Variants in PLXNA4 observed in about 807,000 individuals in gnomAD.
The protein encoded by PLXNA4 is plexin A4, also known as plexin-A4.
In PLXNA4, 44 loss-of-function variants were observed where a neutral mutation model predicts 191.8. The observed-to-expected ratio is 0.23, with a 90% confidence interval of 0.18 to 0.29. PLXNA4 has a LOEUF of 0.29. PLXNA4 is among the 10% of genes least tolerant of loss of function. PLXNA4 has a pLI of 1.00. For synonymous variants in PLXNA4, 1,082 were observed against 1,009.5 expected, an observed-to-expected ratio of 1.07 and a Z score of -1.36; for missense variants, 1,800 against 2,488.8, an observed-to-expected ratio of 0.72 and a Z score of 5.89.
At chr7:132,338,752 A>G (rs1157200620) in intron 3 of PLXNA4, among the ~76,000 whole-genome samples, 1 of 152,188 alleles carries the variant, frequency 6.6e-6, no homozygotes, top group Non-Finnish European at 1.5e-5. Context: ...GCAGCACTGA[A>G]TAAAAGACAG....
chr7:132,280,930 T>TA (rs1800456471), intron 4 of PLXNA4, among the ~76,000 whole-genome samples: 1 of 151,830 alleles, frequency 6.6e-6, no homozygotes, highest in South Asian at 2.1e-4. Flanking sequence ...TATTTATTTA[T>TA]AAAAAATTTA....
chr7:132,338,652 G>A (rs1802909596), intron 3 of PLXNA4, among the ~76,000 whole-genome samples: 1 of 152,216 alleles, frequency 6.6e-6, no homozygotes, highest in East Asian at 1.9e-4. Context: ...GGAATGTCTT[G>A]TAGAAGAGTC....
chr7:132,498,478 A>G (rs531560133), intron 2 of PLXNA4, among the ~76,000 whole-genome samples: 14 of 152,276 alleles, frequency 9.2e-5, no homozygotes, highest in African/African-American at 3.4e-4. Context: ...ATCTCATAAG[A>G]CTTATTCACT....
intron 3 of PLXNA4, among the ~76,000 whole-genome samples, chr7:132,460,408 A>T (rs946064338): frequency 2.6e-5 from 4 of 152,088 alleles, no homozygotes; most frequent in African/African-American, 9.7e-5. Context: ...ATTTCTCTAA[A>T]TATTTTCAAA....
intron 1 of PLXNA4, among the ~76,000 whole-genome samples, chr7:132,513,181 A>T (rs910579165): frequency 6.6e-6 from 1 of 152,232 alleles, no homozygotes; most frequent in Non-Finnish European, 1.5e-5. Flanking sequence ...AGCAAGTTTC[A>T]AAGAACTGAA....
intron 1 of PLXNA4, among the ~76,000 whole-genome samples, chr7:132,574,634 T>A (rs540850286): frequency 6.6e-6 from 1 of 152,172 alleles, no homozygotes; most frequent in South Asian, 2.1e-4. Flanking sequence ...GTCTCTCCAT[T>A]GTGAGAGATT....
At chr7:132,276,437 A>G (rs1230614762) in intron 4 of PLXNA4, among the ~76,000 whole-genome samples, 2 of 152,116 alleles carry the variant, frequency 1.3e-5, no homozygotes, top group Non-Finnish European at 2.9e-5. Flanking sequence ...CTTTTCTGCA[A>G]TGACCCCCCC....
intron 1 of PLXNA4, among the ~76,000 whole-genome samples, chr7:132,558,825 G>T (rs974553228): frequency 1.3e-5 from 2 of 152,216 alleles, no homozygotes; most frequent in East Asian, 1.9e-4. Context: ...GATACCCCAG[G>T]TCAGTAAGTA....
chr7:132,387,660 G>GTAT (rs1805210160), intron 3 of PLXNA4, among the ~76,000 whole-genome samples: 1 of 152,222 alleles, frequency 6.6e-6, no homozygotes, highest in Non-Finnish European at 1.5e-5. Flanking sequence ...TATGAATCCA[G>GTAT]TATTGGGAAA....
intron 2 of PLXNA4, among the ~76,000 whole-genome samples, chr7:132,643,060 A>T (rs990304892): frequency 2.9e-4 from 44 of 152,146 alleles, no homozygotes; most frequent in African/African-American, 1.0e-3. Context: ...GAGAATTTCA[A>T]TGGTCTGCCA....
At chr7:132,389,790 T>C (rs1171204696) in intron 3 of PLXNA4, among the ~76,000 whole-genome samples, 1 of 152,254 alleles carries the variant, frequency 6.6e-6, no homozygotes, top group Non-Finnish European at 1.5e-5. Flanking sequence ...AGTAGTTTTT[T>C]TTCCAATTCT....
At chr7:132,248,387 T>C (rs991339089) in intron 4 of PLXNA4, among the ~76,000 whole-genome samples, 1 of 151,966 alleles carries the variant, frequency 6.6e-6, no homozygotes, top group Admixed American at 6.6e-5. Context: ...TGCAAGTGAG[T>C]TTTGGGCTGG....
At chr7:132,338,615 A>G (rs1802907857) in intron 3 of PLXNA4, among the ~76,000 whole-genome samples, 1 of 152,240 alleles carries the variant, frequency 6.6e-6, no homozygotes, top group Non-Finnish European at 1.5e-5. Flanking sequence ...TGTTCTATAG[A>G]CAGCCAGATA....
At chr7:132,484,751 G>T (rs1309222001) in intron 3 of PLXNA4, 4 of 1,597,948 alleles carry the variant, frequency 2.5e-6, no homozygotes, top group Non-Finnish European at 2.6e-6. Flanking sequence ...CCATCCATCT[G>T]CAGGGCTTTC....
At chr7:132,562,980 C>T (rs1369870124) in intron 1 of PLXNA4, among the ~76,000 whole-genome samples, 2 of 95,262 alleles carry the variant, frequency 2.1e-5, no homozygotes, top group Non-Finnish European at 4.1e-5. Flanking sequence ...CTCCCTCCTC[C>T]TCCTTCTCCT....
At position 132,633,258 on chromosome 7, in the gene PLXNA4, A is replaced by G. The variant is rs541896250; in HGVS notation, c.-87+12670T>C. ...ACACAATTTGCTCCAGGTGATTGAGAAAACAGTGGGGCTTGAGGTTCTCAT... is the reference window on the plus strand; with the variant it reads ...ACACAATTTGCTCCAGGTGATTGAGGAAACAGTGGGGCTTGAGGTTCTCAT... On this transcript the variant is annotated intron_variant, in intron 2 of 4. Transcript: ENST00000378539. Among the ~76,000 whole-genome samples, 50 of 151,558 alleles carry G rather than the reference A, an allele frequency of 3.3e-4. 1 individual carries two copies. The highest frequency in any genetic ancestry group is 6.8e-4 in the Non-Finnish European group (46 of 67,948).
At chr7:132,145,703 G>C (rs1444932407) in intron 28 of PLXNA4, among the ~76,000 whole-genome samples, 3 of 152,098 alleles carry the variant, frequency 2.0e-5, no homozygotes, top group Non-Finnish European at 4.4e-5. Flanking sequence ...TCTGCAGAGA[G>C]CAGAGCTGAG....
At chr7:132,198,688 C>T (rs985584498) in intron 12 of PLXNA4, 52 bp from the exon 13 acceptor site, 1 of 1,599,558 alleles carries the variant, frequency 6.3e-7, no homozygotes, top group African/African-American at 1.3e-5. Context: ...CTGCCACTCA[C>T]TTGCTGATGA....
chr7:132,348,220 T>C (rs1411857075), intron 3 of PLXNA4, among the ~76,000 whole-genome samples: 2 of 152,210 alleles, frequency 1.3e-5, no homozygotes, highest in Non-Finnish European at 2.9e-5. Context: ...ATCCCTTAAC[T>C]TCTTTGCCTC....
Sources: allele counts gnomAD v4.1 joint callset (sites outside exome capture counted in the v4.1 genomes callset), GRCh38; gene constraint gnomAD v4.1.1; transcripts MANE v1.5; gene names NCBI Gene and HGNC (gene_info 2026-07-23, HGNC 2026-07-21).